Variants in SLC5A1 observed in about 807,000 individuals in gnomAD.
SLC5A1 encodes solute carrier family 5 member 1.
SLC5A1 carries 42 observed loss-of-function variants against 73.5 expected under a neutral mutation model. The observed-to-expected ratio is 0.57, with a 90% CI of 0.45 to 0.74. The LOEUF (loss-of-function observed/expected upper bound fraction) is 0.74, where lower values mean the gene tolerates loss of function less well. SLC5A1 is among the 30% of genes least tolerant of loss of function. The probability of loss-of-function intolerance (pLI) is 0.00; values close to 1 mark genes in which losing one functional copy is unlikely to be tolerated. For synonymous variants in SLC5A1, 300 were observed against 317.4 expected, an observed-to-expected ratio of 0.95 and a Z score of 0.58; for missense variants, 634 against 855.4, an observed-to-expected ratio of 0.74 and a Z score of 3.23.
chr22:32,102,918 T>C (rs1251198814), intron 13 of SLC5A1, among the ~76,000 whole-genome samples: 1 of 152,210 alleles, frequency 6.6e-6, no homozygotes, highest in African/African-American at 2.4e-5. Flanking sequence ...CTTTTTATGG[T>C]GGAATAATAC....
At chr22:32,058,613 C>T (rs918441059) in intron 2 of SLC5A1, among the ~76,000 whole-genome samples, 1 of 152,182 alleles carries the variant, frequency 6.6e-6, no homozygotes, top group Non-Finnish European at 1.5e-5. Context: ...CAACCGACAA[C>T]TTTCCAGAAA....
At position 32,112,892 on chromosome 22, in the gene SLC5A1, AAT is replaced by A. The variant is rs1044997830; in HGVS notation, c.*2682_*2683del. 1 of 152,246 alleles carries A rather than the reference AAT, an allele frequency of 6.6e-6. No individual in the cohort carries two copies. Among genetic ancestry groups the A allele is most frequent in the African/African-American group, 2.4e-5 (1 of 41,470 alleles). The allele number at this position is 152,246 out of a possible 1,614,324, so 9.4% of individuals were successfully genotyped here. A position where few individuals can be genotyped will look rare whatever the true frequency, so the allele number is the denominator to read the frequency against. On this transcript the variant is annotated 3_prime_UTR_variant, in exon 15 of 15. Transcript: ENST00000266088. The stretch of plus-strand genomic sequence containing the variant: ...TAGTGTGAGTGTTCTACCACAAAAA[AAT>A]ATGTGCAGTAATAGATGTTAATTAC...
chr22:32,077,322 C>A (rs115026730), intron 5 of SLC5A1, among the ~76,000 whole-genome samples: 1,744 of 149,516 alleles, frequency 0.012, 28 homozygotes, highest in African/African-American at 0.041. Flanking sequence ...TTCCCTCCCC[C>A]TTCCTCTCTC....
intron 6 of SLC5A1, 95 bp downstream of exon 6, chr22:32,082,066 T>C: frequency 1.2e-6 from 1 of 828,164 alleles, no homozygotes; most frequent in Non-Finnish European, 2.1e-6. Flanking sequence ...TTTCTCTTCT[T>C]GAGGAGAGAT....
Position 32,099,312 on chromosome 22 carries a change from C to A in SLC5A1, c.1410C>A (p.Val470=), listed in dbSNP as rs1436133098. The A allele has an allele frequency of 6.2e-7, 1 of 1,613,412 alleles. No individual in the cohort carries two copies. The highest frequency in any genetic ancestry group is 2.2e-5 in the East Asian group (1 of 44,766). ...TSYLGPPIAA[V]FLLAIFWKRV... ...ACTTGGGACCACCCATTGCGGCTGT[C>A]TTCCTGCTTGCTATTTTCTGGAAGA... Residue 470 remains valine (V), a synonymous_variant, in exon 12 of 15, where the codon GTC becomes GTA. Transcript: ENST00000266088.
intron 5 of SLC5A1, among the ~76,000 whole-genome samples, chr22:32,080,176 A>C (rs917583221): frequency 1.3e-5 from 2 of 152,044 alleles, no homozygotes; most frequent in East Asian, 3.8e-4. Context: ...CTAACTCACC[A>C]TCTCTCCTCC....
chr22:32,068,071 C>A, intron 4 of SLC5A1, 45 bp downstream of exon 4: 1 of 1,572,658 alleles, frequency 6.4e-7, no homozygotes, highest in Non-Finnish European at 8.8e-7. Context: ...GCAAATGTAT[C>A]TGTCAGCTTG....
At position 32,112,790 on chromosome 22, in the gene SLC5A1, A is replaced by C. The variant is rs2094059701; in HGVS notation, c.*2577A>C. The C allele has an allele frequency of 6.6e-6, 1 of 152,190 alleles. No individual in the cohort carries two copies. The highest frequency in any genetic ancestry group is 1.5e-5 in the Non-Finnish European group (1 of 68,040). The allele number at this position is 152,190 out of a possible 1,614,324, so 9.4% of individuals were successfully genotyped here. ...ATACAAAGGTTTAGTTAGGTGGAAT[A>C]AGTTCAGAAAATCAATTGTACAATG... On this transcript the variant is annotated 3_prime_UTR_variant, in exon 15 of 15. Transcript: ENST00000266088.
chr22:32,073,466 G>A (rs28733797), intron 5 of SLC5A1, among the ~76,000 whole-genome samples: 38 of 152,076 alleles, frequency 2.5e-4, no homozygotes, highest in Non-Finnish European at 5.0e-4. Flanking sequence ...TTCTGCCCTC[G>A]ACCCATGCCT....
chr22:32,071,205 A>G (rs1207817970), intron 5 of SLC5A1, among the ~76,000 whole-genome samples: 1 of 152,214 alleles, frequency 6.6e-6, no homozygotes, highest in Non-Finnish European at 1.5e-5. Context: ...TAATCCCAGC[A>G]CTTTGGGAGG....
intron 11 of SLC5A1, among the ~76,000 whole-genome samples, chr22:32,098,177 C>T (rs960121065): frequency 1.3e-5 from 2 of 152,172 alleles, no homozygotes; most frequent in African/African-American, 2.4e-5. Context: ...CCCTATAATC[C>T]AGCAGTATCA....
At chr22:32,077,479 G>A (rs924863945) in intron 5 of SLC5A1, among the ~76,000 whole-genome samples, 1 of 151,584 alleles carries the variant, frequency 6.6e-6, no homozygotes, top group African/African-American at 2.4e-5. Flanking sequence ...AGCAATCTGG[G>A]ATAAGCTGTG....
At chr22:32,055,669 G>A (rs2093950705) in intron 2 of SLC5A1, among the ~76,000 whole-genome samples, 1 of 152,198 alleles carries the variant, frequency 6.6e-6, no homozygotes, top group African/African-American at 2.4e-5. Flanking sequence ...TGGGACTTCA[G>A]TCACCTTTGG....
At chr22:32,097,665 G>A (rs1208662967) in intron 11 of SLC5A1, among the ~76,000 whole-genome samples, 2 of 152,104 alleles carry the variant, frequency 1.3e-5, no homozygotes, top group South Asian at 2.1e-4. Flanking sequence ...AGGGAAGAAG[G>A]AGGAGAAGAA....
intron 2 of SLC5A1, among the ~76,000 whole-genome samples, chr22:32,058,206 A>G (rs758478605): frequency 2.6e-5 from 4 of 152,204 alleles, no homozygotes; most frequent in African/African-American, 7.2e-5. Flanking sequence ...CTTCAAAGCT[A>G]TAATTTTAAT....
At chr22:32,107,315 T>C (rs567903267) in intron 14 of SLC5A1, among the ~76,000 whole-genome samples, 7 of 152,360 alleles carry the variant, frequency 4.6e-5, no homozygotes, top group Admixed American at 1.3e-4. Context: ...GAAGAGATTA[T>C]TTTTATGCCA....
At chr22:32,102,279 C>T in intron 13 of SLC5A1, 42 bp downstream of exon 13, 1 of 1,425,894 alleles carries the variant, frequency 7.0e-7, no homozygotes, top group Non-Finnish European at 9.9e-7. Context: ...TTCATGTTCA[C>T]ACTGCAATGT....
intron 3 of SLC5A1, among the ~76,000 whole-genome samples, chr22:32,067,364 A>C (rs2013684): frequency 5.9e-5 from 1 of 17,062 alleles, no homozygotes; most frequent in African/African-American, 1.1e-4. Context: ...ATTTTTTTTA[A>C]AAAAATTTTT....
chr22:32,049,162 A>AATCTATATCTATATCTATATCTAT lies in SLC5A1; in HGVS notation c.136-736_136-713dup, dbSNP rs35964250. Among the ~76,000 whole-genome samples, 15 of 129,034 alleles carry AATCTATATCTATATCTATATCTAT rather than the reference A, an allele frequency of 1.2e-4. 1 individual carries two copies. In the East Asian group the frequency reaches 2.6e-3, roughly 22 times the overall value. 84.7% of individuals were successfully genotyped at this position (129,034 alleles called of 152,430 possible). A position where few individuals can be genotyped will look rare whatever the true frequency, so the allele number is the denominator to read the frequency against. ...TATATATATAATCTATATTATATAT[A>AATCTATATCTATATCTATATCTAT]ATCTATATCTATATCTATATCTATA... On this transcript the variant is annotated intron_variant, in intron 1 of 14. Coordinates refer to ENST00000266088, the MANE Select transcript of SLC5A1 (RefSeq NM_000343.4).
Sources: allele counts gnomAD v4.1 joint callset (sites outside exome capture counted in the v4.1 genomes callset), GRCh38; gene constraint gnomAD v4.1.1; transcripts MANE v1.5; gene names NCBI Gene and HGNC (gene_info 2026-07-23, HGNC 2026-07-21).